PCDHGA10: variants seen among roughly 807,000 people sequenced by gnomAD.
The protein encoded by PCDHGA10 is protocadherin gamma subfamily A, 10.
A neutral mutation model predicts 59.5 loss-of-function variants in PCDHGA10; 42 were observed. That is an observed-to-expected ratio of 0.71 (90% CI 0.55 to 0.91). The LOEUF is 0.91. Ranked by LOEUF, PCDHGA10 falls within the 40% of genes least tolerant of loss-of-function variation. The pLI, the probability that PCDHGA10 is intolerant of heterozygous loss-of-function variation, is 0.00. For synonymous variants in PCDHGA10, 511 were observed against 517.2 expected (o/e 0.99, Z 0.16); for missense variants, 1,111 against 1,198.2 (o/e 0.93, Z 1.07).
intron 1 of PCDHGA10, chr5:141,416,492 A>G (rs183273356): frequency 1.4e-4 from 22 of 152,306 alleles, no homozygotes; most frequent in Admixed American, 1.4e-3. Flanking sequence ...AACAGGAGCA[A>G]GAGATATATG....
chr5:141,476,744 C>A lies in PCDHGA10; in HGVS notation c.2437-18063C>A, dbSNP rs1168392300. ...CCTGGACCGAGAACGGGAGCCTAGT[C>A]TCCAGTTAGTGCTGACGGCGTTGGA... On this transcript the variant is annotated intron_variant, in intron 1 of 3. Coordinates refer to ENST00000398610, the MANE Select transcript of PCDHGA10 (RefSeq NM_018913.3). The surrounding 1 kb of genome is among the most constrained non-coding windows in gnomAD (Gnocchi z 7.6). 1.2e-6 allele frequency: 2 copies of A among 1,614,046 alleles called. No individual in the cohort carries two copies. Among genetic ancestry groups the A allele is most frequent in the Admixed American group, 3.3e-5 (2 of 60,034 alleles).
chr5:141,497,414 C>A (rs1021294577), intron 2 of PCDHGA10, among the ~76,000 whole-genome samples: 34 of 152,066 alleles, frequency 2.2e-4, no homozygotes, highest in Admixed American at 2.0e-3. Flanking sequence ...CCCATTCCAT[C>A]AAATGAGAGG....
chr5:141,479,057 T>A (rs2099487107), intron 1 of PCDHGA10, among the ~76,000 whole-genome samples: 1 of 152,234 alleles, frequency 6.6e-6, no homozygotes, highest in East Asian at 1.9e-4. Context: ...TCTCAGATAA[T>A]TTTTTATGAA....
Position 141,415,352 on chromosome 5 carries a change from C to T in PCDHGA10, c.2177C>T (p.Ser726Leu). 6.2e-7 allele frequency: 1 copy of T among 1,614,228 alleles called. No individual in the cohort carries two copies. The highest frequency in any genetic ancestry group is 8.5e-7 in the Non-Finnish European group (1 of 1,180,040). The change falls in exon 1 of 4, where the codon TCA becomes TTA. Residue 726 changes from serine to leucine, a missense_variant. Coordinates refer to ENST00000398610, the MANE Select transcript of PCDHGA10 (RefSeq NM_018913.3). ...CACAGGCTGCGGCGCTGGCACAAGT[C>T]ACGCCTGCTGCAGGCTTCAGGAGGC... Reference protein sequence around the residue: ...LAHRLRRWHKSRLLQASGGGL... With the variant: ...LAHRLRRWHKLRLLQASGGGL...
In PCDHGA10 at chr5:141,477,453, A is replaced by T; in HGVS notation, c.2437-17354A>T. On this transcript the variant is annotated intron_variant, in intron 1 of 3. Transcript: ENST00000398610. This position sits in a 1 kb window ranked among gnomAD's most constrained non-coding sequence, Gnocchi z 4.9. Reference sequence around the variant, plus strand: ...TCAGCCCTTACAATAGTGCGTGTTCAAGTGTCCGACATCAATGACAACCCT... The same window carrying T: ...TCAGCCCTTACAATAGTGCGTGTTCTAGTGTCCGACATCAATGACAACCCT... The T allele has an allele frequency of 6.2e-7, 1 of 1,614,136 alleles. No homozygotes were observed. The highest frequency in any genetic ancestry group is 8.5e-7 in the Non-Finnish European group (1 of 1,180,026).
At chr5:141,441,744 G>A (rs913393900) in intron 1 of PCDHGA10, 7 of 366,408 alleles carry the variant, frequency 1.9e-5, no homozygotes, top group African/African-American at 1.1e-4. Context: ...GCTCGCGCTC[G>A]GCGTCAACGT....
intron 1 of PCDHGA10, among the ~76,000 whole-genome samples, chr5:141,448,007 AC>A (rs1430481139): frequency 1.3e-5 from 2 of 151,784 alleles, no homozygotes; most frequent in Non-Finnish European, 2.9e-5. Context: ...AATCGCTTGA[AC>A]CCAGGAGGTG....
intron 1 of PCDHGA10, chr5:141,419,345 C>T (rs111954647): frequency 6.2e-6 from 10 of 1,613,858 alleles, no homozygotes; most frequent in African/African-American, 2.7e-5. Flanking sequence ...TGCCAGCGAC[C>T]TGGAGTCACG....
chr5:141,465,210 AT>A (rs1374516492), intron 1 of PCDHGA10, among the ~76,000 whole-genome samples: 4 of 152,032 alleles, frequency 2.6e-5, no homozygotes, highest in African/African-American at 9.7e-5. Flanking sequence ...TATAAGCTTT[AT>A]TTTTCAACAT....
At position 141,485,222 on chromosome 5, in the gene PCDHGA10, C is replaced by T; in HGVS notation, c.2437-9585C>T. On this transcript the variant is annotated intron_variant, in intron 1 of 3. Transcript: ENST00000398610. The surrounding 1 kb of genome is among the most constrained non-coding windows in gnomAD (Gnocchi z 5.7). The stretch of plus-strand genomic sequence containing the variant: ...GACAGAAATCTGGCGGTGGGCTACC[C>T]TTTTGTTCCTCTTTTACCACCTGGG... 4 of 1,614,196 alleles carry T rather than the reference C, an allele frequency of 2.5e-6. No homozygotes were observed. Among genetic ancestry groups the T allele is most frequent in the Non-Finnish European group, 2.5e-6 (3 of 1,180,020 alleles).
intron 1 of PCDHGA10, among the ~76,000 whole-genome samples, chr5:141,492,080 G>A (rs576661909): frequency 6.6e-6 from 1 of 152,352 alleles, no homozygotes; most frequent in African/African-American, 2.4e-5. Context: ...GCCGGCTCCG[G>A]CACGCTTCGC....
chr5:141,485,242 C>A lies in PCDHGA10; in HGVS notation c.2437-9565C>A, dbSNP rs747029550. ...CTACCCTTTTGTTCCTCTTTTACCA[C>A]CTGGGTTACGTTTGTGGGCAGATCC... On this transcript the variant is annotated intron_variant, in intron 1 of 3. Transcript: ENST00000398610. This position sits in a 1 kb window ranked among gnomAD's most constrained non-coding sequence, Gnocchi z 5.7. 7.4e-5 allele frequency: 119 copies of A among 1,614,054 alleles called. No individual in the cohort carries two copies. The highest frequency in any genetic ancestry group is 3.3e-4 in the Middle Eastern group (2 of 6,084).
chr5:141,488,014 C>T (rs2099670661), intron 1 of PCDHGA10, among the ~76,000 whole-genome samples: 1 of 152,120 alleles, frequency 6.6e-6, no homozygotes, highest in South Asian at 2.1e-4. Context: ...TCTGAAGTAC[C>T]TTAACTCTAG....
chr5:141,495,205 C>T (rs977479495), intron 2 of PCDHGA10, among the ~76,000 whole-genome samples: 1 of 152,212 alleles, frequency 6.6e-6, no homozygotes, highest in African/African-American at 2.4e-5. Flanking sequence ...TACTGCCTAA[C>T]CCCCTCCCCT....
intron 1 of PCDHGA10, chr5:141,442,056 C>T: frequency 5.0e-6 from 1 of 198,150 alleles, no homozygotes; most frequent in Non-Finnish European, 1.0e-5. Flanking sequence ...GGTCGCGGTG[C>T]ACTGCGGTGG....
chr5:141,483,538 G>C (rs571240759), intron 1 of PCDHGA10, among the ~76,000 whole-genome samples: 1 of 152,230 alleles, frequency 6.6e-6, no homozygotes, highest in African/African-American at 2.4e-5. Flanking sequence ...AAGCTGGGTG[G>C]TTGACAGTGC....
intron 1 of PCDHGA10, chr5:141,475,848 C>T (rs1562050268): frequency 4.4e-6 from 2 of 451,496 alleles, no homozygotes; most frequent in Non-Finnish European, 7.9e-6. Context: ...TCAGAGAGCC[C>T]GGCGCTAGCT....
chr5:141,465,688 G>C (rs1386213425), intron 1 of PCDHGA10, among the ~76,000 whole-genome samples: 1 of 152,086 alleles, frequency 6.6e-6, no homozygotes, highest in African/African-American at 2.4e-5. Context: ...TGACCAGTCT[G>C]CTTTTGCATT....
intron 1 of PCDHGA10, among the ~76,000 whole-genome samples, chr5:141,450,829 A>AT (rs373424450): frequency 7.2e-4 from 97 of 135,128 alleles, no homozygotes; most frequent in East Asian, 1.8e-3. Flanking sequence ...TATTATTATT[A>AT]TTTTTTTTTT....
Sources: gnomAD v4.1 joint callset for allele counts (sites outside exome capture counted in the v4.1 genomes callset) on GRCh38, gnomAD v4.1.1 for gene constraint, Gnocchi (gnomAD v3.1) non-coding constraint, MANE v1.5 for transcripts, NCBI Gene and HGNC (gene_info 2026-07-23, HGNC 2026-07-21) for gene names.